The following SLMAP variants were observed in gnomAD, a reference collection of about 807,000 sequenced individuals.
The protein encoded by SLMAP is sarcolemma associated protein.
SLMAP carries 44 observed loss-of-function variants against 128.8 expected under a neutral mutation model. That is an observed-to-expected ratio of 0.34 (90% CI 0.27 to 0.44). The LOEUF (loss-of-function observed/expected upper bound fraction) is 0.44. Among genes scored for constraint, SLMAP ranks in the 20% least tolerant of loss-of-function variants. The pLI is 1.00. For synonymous variants in SLMAP, 327 were observed against 348.8 expected (o/e 0.94, Z 0.70); for missense variants, 787 against 985.3 (o/e 0.80, Z 2.69).
intron 2 of SLMAP, among the ~76,000 whole-genome samples, chr3:57,783,005 C>T (rs1163924451): frequency 6.6e-6 from 1 of 152,136 alleles, no homozygotes; most frequent in Non-Finnish European, 1.5e-5. Flanking sequence ...TTATAAATTA[C>T]CCAATCTGTG....
chr3:57,781,467 C>T (rs34529112), intron 2 of SLMAP, among the ~76,000 whole-genome samples: 26,587 of 151,990 alleles, frequency 0.17, 2,653 homozygotes, highest in East Asian at 0.43. Flanking sequence ...AAACAGGAGA[C>T]AGCACCATGT....
chr3:57,815,281 T>TG (rs1012067618), intron 2 of SLMAP, among the ~76,000 whole-genome samples: 34 of 152,314 alleles, frequency 2.2e-4, no homozygotes, highest in African/African-American at 7.9e-4. Flanking sequence ...CCTCCTGTTG[T>TG]GCGGCCCATT....
intron 22 of SLMAP, among the ~76,000 whole-genome samples, chr3:57,921,868 G>A (rs1218880667): frequency 6.6e-6 from 1 of 151,984 alleles, no homozygotes; most frequent in Non-Finnish European, 1.5e-5. Flanking sequence ...ACCATGCCTG[G>A]CTAATTTTGT....
intron 15 of SLMAP, among the ~76,000 whole-genome samples, chr3:57,893,446 A>G (rs74913324): frequency 1.4e-5 from 1 of 70,708 alleles, no homozygotes; most frequent in Non-Finnish European, 3.5e-5. Flanking sequence ...GAAAGAAAAG[A>G]AAAAAAAAAA....
intron 2 of SLMAP, among the ~76,000 whole-genome samples, chr3:57,794,250 T>A: frequency 6.6e-6 from 1 of 152,092 alleles, no homozygotes. Flanking sequence ...TATACTCTCC[T>A]GGTTCTTAAT....
At chr3:57,786,552 CTT>C (rs34574598) in intron 2 of SLMAP, among the ~76,000 whole-genome samples, 83 of 129,890 alleles carry the variant, frequency 6.4e-4, no homozygotes, top group Admixed American at 1.2e-3. Context: ...AATTATATAG[CTT>C]TTTTTTTTTT....
At chr3:57,842,518 C>A (rs373616497) in intron 4 of SLMAP, among the ~76,000 whole-genome samples, 29 of 152,110 alleles carry the variant, frequency 1.9e-4, no homozygotes, top group African/African-American at 7.0e-4. Context: ...AACTATTAAT[C>A]AACTAATGAT....
At chr3:57,904,071 G>A (rs2096465455) in intron 17 of SLMAP, among the ~76,000 whole-genome samples, 1 of 152,128 alleles carries the variant, frequency 6.6e-6, no homozygotes, top group Non-Finnish European at 1.5e-5. Flanking sequence ...TTTAAAAAAT[G>A]GCACTTGGTT....
chr3:57,793,956 A>G (rs2086112636), intron 2 of SLMAP, among the ~76,000 whole-genome samples: 1 of 151,646 alleles, frequency 6.6e-6, no homozygotes. Flanking sequence ...AGCCCCAGCT[A>G]CTCAGGACTC....
Position 57,862,464 on chromosome 3 carries a change from C to T in SLMAP, c.966+378C>T, listed in dbSNP as rs572246644. Among the ~76,000 whole-genome samples, 215 of 151,510 alleles carry T rather than the reference C, an allele frequency of 1.4e-3. 1 individual carries two copies. The highest frequency in any genetic ancestry group is 0.014 in the Middle Eastern group (4 of 290). On this transcript the variant is annotated intron_variant, in intron 10 of 24. Transcript: ENST00000671191. Reference sequence around the variant, plus strand: ...ACCATCCTGGCCAACATGGTGAAACCCCGTCTCTACTAAAAATACAAAAAT... The same window carrying T: ...ACCATCCTGGCCAACATGGTGAAACTCCGTCTCTACTAAAAATACAAAAAT...
intron 2 of SLMAP, among the ~76,000 whole-genome samples, chr3:57,817,198 CTG>C (rs986003603): frequency 2.1e-4 from 32 of 152,182 alleles, no homozygotes; most frequent in African/African-American, 7.7e-4. Flanking sequence ...GTAAGAGGAA[CTG>C]TAATCGGAAG....
chr3:57,853,942 A>C (rs1432204254), intron 6 of SLMAP, among the ~76,000 whole-genome samples: 1 of 33,540 alleles, frequency 3.0e-5, no homozygotes, highest in African/African-American at 1.5e-4. Context: ...ATTCTGTCTC[A>C]AAAAAAAAAA....
chr3:57,854,068 TTA>T (rs10656429), intron 6 of SLMAP, among the ~76,000 whole-genome samples: 21 of 124,110 alleles, frequency 1.7e-4, no homozygotes, highest in Non-Finnish European at 2.9e-4. Flanking sequence ...ATATAACACA[TTA>T]TATATATATA....
chr3:57,767,801 T>G (rs2080048858), intron 2 of SLMAP, among the ~76,000 whole-genome samples: 1 of 152,216 alleles, frequency 6.6e-6, no homozygotes, highest in African/African-American at 2.4e-5. Flanking sequence ...ATTAGACATT[T>G]ATTCTGAACT....
At chr3:57,913,862 G>T (rs1273306917) in intron 21 of SLMAP, among the ~76,000 whole-genome samples, 1 of 152,056 alleles carries the variant, frequency 6.6e-6, no homozygotes, top group Non-Finnish European at 1.5e-5. Context: ...GAAGGCTGAG[G>T]TGGGAGAATT....
At chr3:57,797,018 A>ATT (rs59415183) in intron 2 of SLMAP, among the ~76,000 whole-genome samples, 11 of 148,560 alleles carry the variant, frequency 7.4e-5, no homozygotes, top group Admixed American at 7.4e-4. Context: ...CGTCTCTATA[A>ATT]TTTTTTTTTT....
intron 2 of SLMAP, among the ~76,000 whole-genome samples, chr3:57,769,726 G>A (rs2080450582): frequency 6.6e-6 from 1 of 152,184 alleles, no homozygotes; most frequent in South Asian, 2.1e-4. Context: ...GATTAACAGA[G>A]CAACTTTTGA....
At position 57,928,802 on chromosome 3, in the gene SLMAP, T is replaced by C. The variant is rs1242066643; in HGVS notation, c.*1513T>C. Reference sequence around the variant, plus strand: ...TGTTTGGCAGTCACTGTTTATACTTTAAAGGTTATATTTTAAGCTATTTGA... The same window carrying C: ...TGTTTGGCAGTCACTGTTTATACTTCAAAGGTTATATTTTAAGCTATTTGA... On this transcript the variant is annotated 3_prime_UTR_variant, in exon 25 of 25. Coordinates refer to ENST00000671191, the MANE Select transcript of SLMAP (RefSeq NM_001377540.1). 6.6e-6 allele frequency: 1 copy of C among 152,524 alleles called. No individual in the cohort carries two copies. Among genetic ancestry groups the C allele is most frequent in the Non-Finnish European group, 1.5e-5 (1 of 67,994 alleles). 9.4% of individuals were successfully genotyped at this position (152,524 alleles called of 1,614,324 possible). A position where few individuals can be genotyped will look rare whatever the true frequency, so the allele number is the denominator to read the frequency against.
At chr3:57,870,052 T>C (rs994353202) in intron 13 of SLMAP, among the ~76,000 whole-genome samples, 4 of 152,070 alleles carry the variant, frequency 2.6e-5, no homozygotes, top group Non-Finnish European at 4.4e-5. Flanking sequence ...AAAAGTGTGA[T>C]TGTTAGCTTT....
Sources: gnomAD v4.1 joint callset for allele counts (sites outside exome capture counted in the v4.1 genomes callset) on GRCh38, gnomAD v4.1.1 for gene constraint, MANE v1.5 for transcripts, NCBI Gene and HGNC (gene_info 2026-07-23, HGNC 2026-07-21) for gene names.